The following CCNH variants were observed in gnomAD, a reference collection of about 807,000 sequenced individuals.
CCNH encodes the protein cyclin H.
Under a neutral mutation model 41.9 loss-of-function variants are expected in CCNH, and 31 were observed. The observed-to-expected ratio is 0.74, with a 90% CI of 0.56 to 1.00. CCNH has a LOEUF of 1.00. Ranked by LOEUF, CCNH falls within the 50% of genes least tolerant of loss-of-function variation. The probability of loss-of-function intolerance (pLI) is 0.00; values close to 1 mark genes in which losing one functional copy is unlikely to be tolerated. For synonymous variants in CCNH, 138 were observed against 136.1 expected, an observed-to-expected ratio of 1.01 and a Z score of -0.10; for missense variants, 362 against 388.4, an observed-to-expected ratio of 0.93 and a Z score of 0.57.
intron 9 of CCNH, among the ~76,000 whole-genome samples, chr5:87,334,307 C>T (rs950062876): frequency 3.3e-5 from 5 of 152,148 alleles, no homozygotes; most frequent in African/African-American, 1.2e-4. Context: ...ACCAGTAAGG[C>T]AGCAGAAAGG....
chr5:87,329,768 C>G (rs1757478772), intron 9 of CCNH, among the ~76,000 whole-genome samples: 1 of 152,122 alleles, frequency 6.6e-6, no homozygotes, highest in Admixed American at 6.5e-5. Flanking sequence ...GAGGAATGCA[C>G]TAGTTTCATA....
At chr5:87,402,251 AACAG>A (rs1763475307) in intron 5 of CCNH, among the ~76,000 whole-genome samples, 2 of 152,226 alleles carry the variant, frequency 1.3e-5, no homozygotes, top group Admixed American at 1.3e-4. Context: ...TCTGTGGAGT[AACAG>A]ACATTCAAAC....
chr5:87,394,856 T>C (rs1353560922), intron 8 of CCNH, 188 bp downstream of exon 8: 2 of 1,379,324 alleles, frequency 1.4e-6, no homozygotes, highest in Non-Finnish European at 1.9e-6. Context: ...CTTCATTAAA[T>C]AAAGACAGAA....
chr5:87,324,535 C>T (rs1340185794), intron 9 of CCNH, among the ~76,000 whole-genome samples: 3 of 152,042 alleles, frequency 2.0e-5, no homozygotes, highest in East Asian at 1.9e-4. Flanking sequence ...AATGCTCTCT[C>T]GAAACTAAAA....
chr5:87,376,110 T>G (rs965245428), downstream of CCNH: 1 of 459,572 alleles, frequency 2.2e-6, no homozygotes, highest in African/African-American at 2.0e-5. Context: ...CACTTACCAG[T>G]GCTGAAACAT....
At chr5:87,399,642 T>C (rs1400170997) in intron 6 of CCNH, 137 bp from the exon 7 acceptor site, 8 of 648,174 alleles carry the variant, frequency 1.2e-5, no homozygotes, top group African/African-American at 1.1e-4. Flanking sequence ...ATTTGCATCA[T>C]TCTGCATTTC....
Position 87,406,864 on chromosome 5 carries a change from G to C in CCNH, c.525+1112C>G, listed in dbSNP as rs139325501. ...TTATGCCTGACACATACAGATGCGC[G>C]ATAAATACCTGATCCATAAGGTTGC... is the stretch of plus-strand genomic sequence containing the variant. On this transcript the variant is annotated intron_variant, in intron 4 of 8. Transcript: ENST00000256897. Among the ~76,000 whole-genome samples, 3 of 152,142 alleles carry C rather than the reference G, an allele frequency of 2.0e-5. No individual in the cohort carries two copies. The East Asian group carries it at 5.8e-4, about 29-fold the overall frequency.
At chr5:87,331,335 G>GT (rs1200277056) in intron 9 of CCNH, 2 of 1,589,358 alleles carry the variant, frequency 1.3e-6, no homozygotes, top group Non-Finnish European at 1.7e-6. Context: ...TATCTTCTCT[G>GT]TTTTTCCCCT....
In CCNH at chr5:87,366,098, C is replaced by T. The variant is rs994495211; in HGVS notation, c.*90+26672G>A. On this transcript the variant is annotated intron_variant and NMD_transcript_variant, in intron 9 of 9. Coordinates refer to the CCNH transcript ENST00000645953. ...AGAAAAACTTTTGGTGAATGATTCTCATTTTGCAGATTTACTGAAGAATCA... is the reference window on the plus strand; with the variant it reads ...AGAAAAACTTTTGGTGAATGATTCTTATTTTGCAGATTTACTGAAGAATCA... 2.6e-5 allele frequency among the ~76,000 whole-genome samples: 4 copies of T among 152,090 alleles called. No homozygotes were observed. The South Asian group carries it at 6.2e-4, about 24-fold the overall frequency.
chr5:87,330,967 C>T, intron 9 of CCNH: 1 of 1,433,508 alleles, frequency 7.0e-7, no homozygotes, highest in Non-Finnish European at 9.1e-7. Context: ...GTCATGGTTC[C>T]TCAGTATAAG....
chr5:87,317,936 G>A (rs368927333), downstream of CCNH, among the ~76,000 whole-genome samples: 36 of 151,972 alleles, frequency 2.4e-4, no homozygotes, highest in East Asian at 6.8e-3. Context: ...GCGCCCAGCC[G>A]TTTTTCTCAC....
downstream of CCNH, chr5:87,391,762 T>A (rs1762542859): frequency 4.3e-6 from 1 of 232,438 alleles, no homozygotes; most frequent in African/African-American, 2.2e-5. Flanking sequence ...GACAACCTCA[T>A]CAGCTGCCTA....
Position 87,370,622 on chromosome 5 carries a change from T to C in CCNH, c.*90+22148A>G, listed in dbSNP as rs959837427. ...GTTACAGTGAGTAAGATCGAGACAC[T>C]GTAAGCCAGCCTAGGCAACAAACTG... On this transcript the variant is annotated intron_variant and NMD_transcript_variant, in intron 9 of 9. Coordinates refer to the CCNH transcript ENST00000645953. 2.6e-5 allele frequency among the ~76,000 whole-genome samples: 4 copies of C among 152,138 alleles called. No homozygotes were observed. The South Asian group carries it at 8.3e-4, about 31-fold the overall frequency.
intron 1 of CCNH, chr5:87,412,315 G>A: frequency 1.4e-6 from 1 of 730,568 alleles, no homozygotes. Context: ...CGGTGGTTCT[G>A]ACTGCCTGGA....
downstream of CCNH, among the ~76,000 whole-genome samples, chr5:87,373,907 G>C (rs566899705): frequency 2.2e-3 from 341 of 151,772 alleles, 5 homozygotes; most frequent in African/African-American, 7.9e-3. Context: ...TATTTCTCCA[G>C]GAATATACTG....
At chr5:87,327,762 C>T (rs1319502410) in intron 9 of CCNH, among the ~76,000 whole-genome samples, 2 of 151,998 alleles carry the variant, frequency 1.3e-5, no homozygotes, top group South Asian at 2.1e-4. Flanking sequence ...GTCAGTAGCT[C>T]GGGACCAGCC....
chr5:87,401,764 G>T lies in CCNH; in HGVS notation c.698C>A (p.Ser233Ter). The T allele has an allele frequency of 6.4e-7, 1 of 1,568,450 alleles. No individual in the cohort carries two copies. The highest frequency in any genetic ancestry group is 1.2e-5 in the South Asian group (1 of 84,862). ...GTTCTCTTTCAGCATCAGACTCTCT[G>T]ATAAATAACTAGTAAAGAAAAGAAA... ...RAGITMESYL[S>*]ESLMLKENRT... Residue 233 changes from serine to a stop codon, truncating the protein, a stop_gained, in exon 6 of 9, where the codon TCA becomes TAA. Transcript: ENST00000256897. LOFTEE classifies it high-confidence loss of function.
chr5:87,338,340 G>C (rs896960869), intron 9 of CCNH, among the ~76,000 whole-genome samples: 2 of 150,402 alleles, frequency 1.3e-5, no homozygotes, highest in African/African-American at 2.4e-5. Context: ...TAACATTTGT[G>C]TTTTCTTTTG....
downstream of CCNH, among the ~76,000 whole-genome samples, chr5:87,315,521 T>C (rs1756259606): frequency 6.6e-6 from 1 of 152,170 alleles, no homozygotes; most frequent in Admixed American, 6.5e-5. Flanking sequence ...ACAAAGGAAA[T>C]TTGGGGGCAC....
Sources: gnomAD v4.1 joint callset for allele counts (sites outside exome capture counted in the v4.1 genomes callset) on GRCh38, gnomAD v4.1.1 for gene constraint, MANE v1.5 for transcripts, NCBI Gene and HGNC (gene_info 2026-07-23, HGNC 2026-07-21) for gene names.